Variants in TUB observed in about 807,000 individuals in gnomAD.
TUB encodes the protein tubby protein homolog.
Under a neutral mutation model 59.7 loss-of-function variants are expected in TUB, and 33 were observed. That is an observed-to-expected ratio of 0.55 (90% CI 0.42 to 0.74). TUB has a LOEUF of 0.74. Ranked by LOEUF, TUB falls within the 30% of genes least tolerant of loss-of-function variation. The pLI is 0.00. For synonymous variants in TUB, 293 were observed against 256.4 expected (o/e 1.14, Z -1.36); for missense variants, 659 against 672.0 (o/e 0.98, Z 0.21).
intron 2 of TUB, among the ~76,000 whole-genome samples, chr11:8,042,708 A>G (rs941234195): frequency 1.4e-4 from 21 of 152,228 alleles, no homozygotes; most frequent in African/African-American, 5.1e-4. Context: ...AATGATGACT[A>G]ACAATGTGCT....
rs955291667 is a variant in TUB at position 8,103,722 on chromosome 11, A to C, written c.*2103A>C. On this transcript the variant is annotated 3_prime_UTR_variant, in exon 12 of 12. Transcript: ENST00000299506. ...CCTTCCCTGCCTTTAAGGAGAAGAG[A>C]TCTTCATGGTGACATTTGAGATGAT... is the stretch of plus-strand genomic sequence containing the variant. 4 of 152,536 alleles carry C rather than the reference A, an allele frequency of 2.6e-5. No individual in the cohort carries two copies. Among genetic ancestry groups the C allele is most frequent in the Non-Finnish European group, 5.9e-5 (4 of 68,036 alleles). The allele number at this position is 152,536 out of a possible 1,614,324, so 9.4% of individuals were successfully genotyped here.
chr11:8,041,578 C>T (rs923100934), intron 2 of TUB, among the ~76,000 whole-genome samples: 1 of 152,158 alleles, frequency 6.6e-6, no homozygotes, highest in Non-Finnish European at 1.5e-5. Context: ...TGAAACTGTT[C>T]CACCTGTGAA....
At chr11:8,041,508 A>G (rs1881231) in intron 2 of TUB, among the ~76,000 whole-genome samples, 2,968 of 152,312 alleles carry the variant, frequency 0.019, 102 homozygotes, top group African/African-American at 0.065. Flanking sequence ...GTTGTCTTCA[A>G]CTTGTTGAAG....
rs185969668 is a variant in TUB, at chr11:8,097,981, T to C, written c.998+155T>C. Among the ~76,000 whole-genome samples, 436 of 152,270 alleles carry C rather than the reference T, an allele frequency of 2.9e-3. 4 individuals are homozygous for C. Among genetic ancestry groups the C allele is most frequent in the Non-Finnish European group, 4.4e-3 (301 of 68,026 alleles). Reference sequence around the variant, plus strand: ...ATAATCACATCCAACTGGAGGCCTATGTCTATGCCAGCCTAGAGCCAGACT... The same window carrying C: ...ATAATCACATCCAACTGGAGGCCTACGTCTATGCCAGCCTAGAGCCAGACT... On this transcript the variant is annotated intron_variant, in intron 8 of 11. Transcript: ENST00000299506.
At chr11:8,022,217 T>G (rs534287486) in intron 1 of TUB, among the ~76,000 whole-genome samples, 2 of 152,328 alleles carry the variant, frequency 1.3e-5, no homozygotes, top group South Asian at 2.1e-4. Context: ...TCAGTACTTG[T>G]TTTTTAAGAC....
chr11:8,083,908 CTT>C (rs2133820077), intron 1 of TUB, among the ~76,000 whole-genome samples: 1 of 152,282 alleles, frequency 6.6e-6, no homozygotes, highest in South Asian at 2.1e-4. Context: ...AAATGGGAGA[CTT>C]GGGCTGAGAG....
rs1357186046 is a variant in TUB at position 8,104,239 on chromosome 11, A to G, written c.*2620A>G. ...ATTAATGACAGAATGAGCAGTCCCT[A>G]ATGGTATTGGGCAGTTGGGAGTGAG... On this transcript the variant is annotated 3_prime_UTR_variant, in exon 12 of 12. Transcript: ENST00000299506. 6.6e-6 allele frequency: 1 copy of G among 152,212 alleles called. No homozygotes were observed. The highest frequency in any genetic ancestry group is 1.9e-4 in the East Asian group (1 of 5,190). The allele number at this position is 152,212 out of a possible 1,614,324, so 9.4% of individuals were successfully genotyped here.
At chr11:8,025,759 T>C (rs932495167) in intron 1 of TUB, among the ~76,000 whole-genome samples, 1 of 152,222 alleles carries the variant, frequency 6.6e-6, no homozygotes, top group Non-Finnish European at 1.5e-5. Context: ...CAAATAAAGC[T>C]TTTGTGAATA....
At chr11:8,035,125 C>T (rs1395678611), upstream of TUB, among the ~76,000 whole-genome samples, 1 of 152,194 alleles carries the variant, frequency 6.6e-6, no homozygotes, top group East Asian at 1.9e-4. Flanking sequence ...TTCAAAGGAC[C>T]TCGAACAAGC....
chr11:8,029,065 T>A (rs183438435), intron 1 of TUB, among the ~76,000 whole-genome samples: 49 of 152,178 alleles, frequency 3.2e-4, no homozygotes, highest in Admixed American at 2.1e-3. Context: ...GCCATAAATG[T>A]ATGGGTTTAT....
rs370920538 is a variant in TUB, at chr11:8,081,638, G to A, written c.38+90G>A. On this transcript the variant is annotated intron_variant, in intron 1 of 11. Coordinates refer to ENST00000299506, the MANE Select transcript of TUB (RefSeq NM_177972.3). ...CGCGGCCGGGGCGCAGGGCACCGCT[G>A]CCCTCCCCACCTATCCCAGCACTGG... The A allele has an allele frequency of 1.2e-5, 16 of 1,364,286 alleles. No individual in the cohort carries two copies. The African/African-American group carries it at 1.2e-4, about 10-fold the overall frequency. The allele number at this position is 1,364,286 out of a possible 1,614,324, so 84.5% of individuals were successfully genotyped here.
At chr11:8,088,631 G>A (rs1298288083) in intron 1 of TUB, among the ~76,000 whole-genome samples, 1 of 152,194 alleles carries the variant, frequency 6.6e-6, no homozygotes, top group Admixed American at 6.5e-5. Flanking sequence ...GGGCCGCCTG[G>A]GGCTTCCCCA....
chr11:8,038,834 G>A, exon 1 of TUB: 1 of 1,606,432 alleles, frequency 6.2e-7, no homozygotes, highest in Non-Finnish European at 8.5e-7. Context: ...GCAGCCTGAA[G>A]TGGGACCATC....
intron 2 of TUB, among the ~76,000 whole-genome samples, chr11:8,056,086 A>T (rs1943015664): frequency 6.6e-6 from 1 of 152,128 alleles, no homozygotes; most frequent in Non-Finnish European, 1.5e-5. Context: ...CTGAGGCTGG[A>T]TCTGGAGGAC....
At chr11:8,070,977 G>C (rs1943350288) in intron 2 of TUB, among the ~76,000 whole-genome samples, 1 of 152,154 alleles carries the variant, frequency 6.6e-6, no homozygotes, top group African/African-American at 2.4e-5. Flanking sequence ...AGGGGGTGCA[G>C]ATCATTATGT....
At chr11:8,085,067 G>A (rs1943639549) in intron 1 of TUB, among the ~76,000 whole-genome samples, 1 of 152,138 alleles carries the variant, frequency 6.6e-6, no homozygotes, top group Non-Finnish European at 1.5e-5. Flanking sequence ...AGGGAGTAGT[G>A]GGACTCCTGA....
At chr11:8,077,853 G>A (rs560849873), upstream of TUB, 5 of 152,122 alleles carry the variant, frequency 3.3e-5, no homozygotes, top group Non-Finnish European at 7.3e-5. Flanking sequence ...CCCCACTAAG[G>A]CCACTGCAGC....
At chr11:8,039,161 C>A in intron 1 of TUB, 2 of 1,153,454 alleles carry the variant, frequency 1.7e-6, no homozygotes, top group Non-Finnish European at 1.2e-6. Flanking sequence ...CCCCTATCAC[C>A]ACGTGGAGCC....
chr11:8,099,078 C>T (rs1378245959), intron 9 of TUB, among the ~76,000 whole-genome samples: 2 of 152,042 alleles, frequency 1.3e-5, no homozygotes, highest in Admixed American at 6.6e-5. Flanking sequence ...CACAGCCGGC[C>T]ATCTGCTTGG....
Sources: gnomAD v4.1 joint callset for allele counts (sites outside exome capture counted in the v4.1 genomes callset) on GRCh38, gnomAD v4.1.1 for gene constraint, MANE v1.5 for transcripts, NCBI Gene and HGNC (gene_info 2026-07-23, HGNC 2026-07-21) for gene names.